Variants in HDAC4 observed in about 807,000 individuals in gnomAD.
HDAC4 encodes histone deacetylase 4.
Under a neutral mutation model 135.1 loss-of-function variants are expected in HDAC4, and 16 were observed. The ratio of observed to expected loss-of-function variants is 0.12; its 90% CI spans 0.08 to 0.18. The LOEUF is 0.18. HDAC4 is among the 10% of genes least tolerant of loss of function. The probability of loss-of-function intolerance (pLI) is 1.00; values close to 1 mark genes in which losing one functional copy is unlikely to be tolerated. For missense variants in HDAC4, 1,143 were observed against 1,511.8 expected, an observed-to-expected ratio of 0.76 and a Z score of 4.05; for synonymous variants, 685 against 653.4, an observed-to-expected ratio of 1.05 and a Z score of -0.74.
At chr2:239,279,386 G>A (rs2050577512) in intron 2 of HDAC4, among the ~76,000 whole-genome samples, 1 of 152,240 alleles carries the variant, frequency 6.6e-6, no homozygotes, top group Non-Finnish European at 1.5e-5. Flanking sequence ...ATAAACTCAT[G>A]AGGCAGTTCT....
At chr2:239,132,323 C>T (rs566900248) in intron 11 of HDAC4, among the ~76,000 whole-genome samples, 11 of 152,332 alleles carry the variant, frequency 7.2e-5, no homozygotes, top group African/African-American at 2.4e-4. Flanking sequence ...GGCTGTGTGG[C>T]TGCACTACGC....
intron 9 of HDAC4, among the ~76,000 whole-genome samples, chr2:239,135,882 C>T (rs1247610120): frequency 1.3e-5 from 2 of 152,174 alleles, no homozygotes; most frequent in African/African-American, 4.8e-5. Context: ...GGTTATAGAT[C>T]ATGTACCTTT....
chr2:239,157,653 C>T (rs114280286), intron 6 of HDAC4, among the ~76,000 whole-genome samples: 3 of 152,160 alleles, frequency 2.0e-5, no homozygotes, highest in Non-Finnish European at 2.9e-5. Flanking sequence ...CTTTAAACTG[C>T]GTAATCTGCT....
intron 3 of HDAC4, among the ~76,000 whole-genome samples, chr2:239,204,960 C>T (rs2045957209): frequency 6.6e-6 from 1 of 152,186 alleles, no homozygotes; most frequent in Non-Finnish European, 1.5e-5. Flanking sequence ...TGTCTGTGCT[C>T]CTCCCTACCC....
chr2:239,109,131 G>A (rs2038434296), intron 14 of HDAC4, among the ~76,000 whole-genome samples: 1 of 152,184 alleles, frequency 6.6e-6, no homozygotes, highest in Non-Finnish European at 1.5e-5. Context: ...CTGGCAGGAG[G>A]GCTGCCCCGA....
At chr2:239,105,340 T>C (rs2038025323) in intron 15 of HDAC4, among the ~76,000 whole-genome samples, 1 of 152,110 alleles carries the variant, frequency 6.6e-6, no homozygotes, top group Non-Finnish European at 1.5e-5. Context: ...GCAAGCAAAT[T>C]GGCCAGGAGC....
chr2:239,177,903 C>A (rs923776870), intron 4 of HDAC4, among the ~76,000 whole-genome samples: 3 of 152,208 alleles, frequency 2.0e-5, no homozygotes, highest in African/African-American at 7.2e-5. Flanking sequence ...AACAATTTGG[C>A]CTGGCGCTGA....
chr2:239,325,361 C>T (rs1559364954), intron 2 of HDAC4, among the ~76,000 whole-genome samples: 1 of 152,168 alleles, frequency 6.6e-6, no homozygotes, highest in Non-Finnish European at 1.5e-5. Flanking sequence ...AGTACCCCTA[C>T]AACACAACAA....
chr2:239,225,406 A>G (rs56273542), intron 3 of HDAC4, among the ~76,000 whole-genome samples: 19,773 of 152,284 alleles, frequency 0.13, 1,380 homozygotes, highest in African/African-American at 0.15. Flanking sequence ...TAAAACAGGA[A>G]TTAATAAAAC....
intron 2 of HDAC4, among the ~76,000 whole-genome samples, chr2:239,251,159 G>A (rs2048764988): frequency 6.6e-6 from 1 of 152,108 alleles, no homozygotes; most frequent in Admixed American, 6.5e-5. Context: ...CTTAATTTTG[G>A]TACTACCGAA....
intron 1 of HDAC4, among the ~76,000 whole-genome samples, chr2:239,356,357 G>A (rs898706253): frequency 3.9e-5 from 6 of 152,140 alleles, no homozygotes; most frequent in African/African-American, 1.4e-4. Flanking sequence ...AAGGGCAGGG[G>A]TTGTCAGACT....
At chr2:239,077,723 A>T (rs1255792934) in intron 22 of HDAC4, among the ~76,000 whole-genome samples, 3 of 152,234 alleles carry the variant, frequency 2.0e-5, no homozygotes, top group African/African-American at 7.2e-5. Context: ...TGGTGTGTGC[A>T]GCGGGTGCCA....
intron 1 of HDAC4, among the ~76,000 whole-genome samples, chr2:239,399,763 G>C (rs2126141812): frequency 6.6e-6 from 1 of 152,310 alleles, no homozygotes; most frequent in East Asian, 1.9e-4. Flanking sequence ...AAGCAGAACT[G>C]CTCTCAGCAA....
At chr2:239,073,973 C>CGCAGGACTGAGGGGAGCA (rs2034468227) in intron 22 of HDAC4, among the ~76,000 whole-genome samples, 2 of 139,868 alleles carry the variant, frequency 1.4e-5, no homozygotes, top group African/African-American at 2.5e-5. Context: ...TGAGGGGGGC[C>CGCAGGACTGAGGGGAGCA]GCAGGACTGA....
chr2:239,144,635 C>G lies in HDAC4; in HGVS notation c.813G>C (p.Arg271Ser), dbSNP rs1317337749. The change falls in exon 8 of 27, where the codon AGG becomes AGC. Residue 271 changes from arginine to serine, a missense_variant. Arg to Ser is a moderately radical substitution (Grantham distance 110). Transcript: ENST00000543185. ...GAGCAGTGACCACTGGCCCGTCTTT[C>G]CTGCGTAACAGGGGGCTGCTCCGTC... ...AERRSSPLLRRKDGPVVTALK... is the reference protein window; with the variant it reads ...AERRSSPLLRSKDGPVVTALK... The G allele has an allele frequency of 6.2e-7, 1 of 1,614,218 alleles. No individual in the cohort carries two copies. Among genetic ancestry groups the G allele is most frequent in the Non-Finnish European group, 8.5e-7 (1 of 1,180,040 alleles).
intron 2 of HDAC4, among the ~76,000 whole-genome samples, chr2:239,348,667 G>A (rs890756723): frequency 2.6e-5 from 4 of 152,236 alleles, no homozygotes; most frequent in Non-Finnish European, 5.9e-5. Context: ...CCTGACAAAC[G>A]CATCCTGCCC....
In HDAC4 at chr2:239,400,385, G is replaced by C. The variant is rs1353602981; in HGVS notation, c.-220+593C>G. The C allele has an allele frequency of 6.8e-6, 1 of 147,474 alleles. No homozygotes were observed. The highest frequency in any genetic ancestry group is 1.5e-5 in the Non-Finnish European group (1 of 66,196). The allele number at this position is 147,474 out of a possible 1,614,324, so 9.1% of individuals were successfully genotyped here. ...GGCGGCCCGGAGCCCACCTGCTCGG[G>C]GGGCGCGGGCCCCGCACCGGGAGAC... is the stretch of plus-strand genomic sequence containing the variant. On this transcript the variant is annotated intron_variant, in intron 1 of 26. Transcript: ENST00000543185. The surrounding 1 kb of genome is among the most constrained non-coding windows in gnomAD (Gnocchi z 4.7).
chr2:239,269,175 C>T (rs923153230), intron 2 of HDAC4, among the ~76,000 whole-genome samples: 17 of 150,950 alleles, frequency 1.1e-4, no homozygotes, highest in Non-Finnish European at 2.4e-4. Context: ...ATTCACACAC[C>T]CACATTCACA....
intron 22 of HDAC4, among the ~76,000 whole-genome samples, chr2:239,069,756 A>G (rs13014741): frequency 0.23 from 15,337 of 66,006 alleles, 1,755 homozygotes; most frequent in East Asian, 0.39. Context: ...AGGGAGTCAC[A>G]GTGCAAGCCA....
Sources: gnomAD v4.1 joint callset for allele counts (sites outside exome capture counted in the v4.1 genomes callset) on GRCh38, gnomAD v4.1.1 for gene constraint, Gnocchi (gnomAD v3.1) non-coding constraint, MANE v1.5 for transcripts, NCBI Gene and HGNC (gene_info 2026-07-23, HGNC 2026-07-21) for gene names.